The following MANBA variants were observed in gnomAD, a reference collection of about 807,000 sequenced individuals.
MANBA encodes the protein mannosidase beta, also known as beta-mannosidase.
Under a neutral mutation model 111.1 loss-of-function variants are expected in MANBA, and 83 were observed. The observed-to-expected ratio is 0.75, with a 90% confidence interval of 0.63 to 0.90. MANBA has a LOEUF of 0.90. Among genes scored for constraint, MANBA ranks in the 40% least tolerant of loss-of-function variants. The pLI, the probability that MANBA is intolerant of heterozygous loss-of-function variation, is 0.00. For synonymous variants in MANBA, 370 were observed against 378.7 expected, an observed-to-expected ratio of 0.98 and a Z score of 0.27; for missense variants, 1,036 against 1,069.0, an observed-to-expected ratio of 0.97 and a Z score of 0.43.
At chr4:102,656,098 C>T (rs1037727097) in intron 12 of MANBA, among the ~76,000 whole-genome samples, 1 of 151,994 alleles carries the variant, frequency 6.6e-6, no homozygotes, top group African/African-American at 2.4e-5. Context: ...ATAAAAAATA[C>T]AAAAATTAGC....
At chr4:102,739,237 T>C (rs1404096957) in intron 1 of MANBA, among the ~76,000 whole-genome samples, 1 of 152,078 alleles carries the variant, frequency 6.6e-6, no homozygotes, top group Non-Finnish European at 1.5e-5. Context: ...TATACAATCT[T>C]CTCAGATTGA....
chr4:102,680,731 T>C (rs923349761), intron 7 of MANBA, among the ~76,000 whole-genome samples: 1 of 152,246 alleles, frequency 6.6e-6, no homozygotes, highest in Non-Finnish European at 1.5e-5. Context: ...TGGCCACATA[T>C]GCAGCATCTT....
intron 2 of MANBA, among the ~76,000 whole-genome samples, chr4:102,724,868 C>T (rs1722734106): frequency 6.6e-6 from 1 of 152,142 alleles, no homozygotes; most frequent in South Asian, 2.1e-4. Flanking sequence ...GTGTTGTATT[C>T]ATACAATAAA....
At chr4:102,632,761 C>G (rs1206501156) in intron 16 of MANBA, among the ~76,000 whole-genome samples, 1 of 152,254 alleles carries the variant, frequency 6.6e-6, no homozygotes, top group Non-Finnish European at 1.5e-5. Flanking sequence ...TAGAGCTTAT[C>G]TCTTTTACTG....
At chr4:102,693,094 T>C (rs1317247566) in intron 5 of MANBA, among the ~76,000 whole-genome samples, 2 of 152,192 alleles carry the variant, frequency 1.3e-5, no homozygotes, top group Non-Finnish European at 2.9e-5. Context: ...TGAGAAATAC[T>C]AGTCGATGAG....
At chr4:102,644,733 G>A (rs1031363125) in intron 13 of MANBA, among the ~76,000 whole-genome samples, 1 of 151,988 alleles carries the variant, frequency 6.6e-6, no homozygotes, top group African/African-American at 2.4e-5. Context: ...TTGTATATTT[G>A]AAAATTGCTA....
chr4:102,714,479 T>C lies in MANBA; in HGVS notation c.632A>G (p.Asn211Ser). Residue 211 changes from asparagine to serine, a missense_variant, in exon 5 of 17, where the codon AAT becomes AGT. Coordinates refer to ENST00000647097, the MANE Select transcript of MANBA (RefSeq NM_005908.4). ...TGTGAAGTAGTTCAGGTGACAAATA[T>C]TATAGGCTTCAATTCTAACATCTTT... is the stretch of plus-strand genomic sequence containing the variant. ...IWKDVRIEAY[N>S]ICHLNYFTFS... is the part of the protein sequence containing the mutation. The C allele has an allele frequency of 2.5e-6, 4 of 1,605,764 alleles. No individual in the cohort carries two copies. The highest frequency in any genetic ancestry group is 3.4e-6 in the Non-Finnish European group (4 of 1,172,466).
chr4:102,714,729 C>T (rs1417617013), intron 4 of MANBA, among the ~76,000 whole-genome samples, 168 bp from the exon 5 acceptor site: 1 of 152,184 alleles, frequency 6.6e-6, no homozygotes, highest in African/African-American at 2.4e-5. Context: ...TGTATTTTCT[C>T]ACAGTGAAGT....
intron 4 of MANBA, 83 bp downstream of exon 4, chr4:102,722,788 A>G (rs1328750537): frequency 7.2e-7 from 1 of 1,379,834 alleles, no homozygotes; most frequent in East Asian, 2.3e-5. Flanking sequence ...CTGAAATGCC[A>G]TGGGAGTCTT....
At chr4:102,743,924 C>T (rs1202274651) in intron 1 of MANBA, among the ~76,000 whole-genome samples, 1 of 152,198 alleles carries the variant, frequency 6.6e-6, no homozygotes, top group Non-Finnish European at 1.5e-5. Context: ...ATGAGGGCCT[C>T]CCAGAGGCTC....
chr4:102,664,473 C>T (rs140289949), intron 11 of MANBA, among the ~76,000 whole-genome samples: 4 of 152,184 alleles, frequency 2.6e-5, no homozygotes, highest in Non-Finnish European at 1.5e-5. Flanking sequence ...CTCAGCCTCC[C>T]GAGTAGCTGG....
chr4:102,720,781 T>A (rs1186514419), intron 4 of MANBA, among the ~76,000 whole-genome samples: 2 of 152,202 alleles, frequency 1.3e-5, no homozygotes, highest in African/African-American at 4.8e-5. Context: ...ACTCTAAGGC[T>A]GTTATTACAG....
chr4:102,738,789 G>T (rs1203758926), intron 1 of MANBA, among the ~76,000 whole-genome samples: 1 of 152,160 alleles, frequency 6.6e-6, no homozygotes, highest in Non-Finnish European at 1.5e-5. Context: ...TCAGAAGGTT[G>T]ATTATCGGGT....
At chr4:102,674,432 AAC>A (rs1731632547) in intron 7 of MANBA, among the ~76,000 whole-genome samples, 1 of 152,230 alleles carries the variant, frequency 6.6e-6, no homozygotes, top group African/African-American at 2.4e-5. Flanking sequence ...GTCTTTGAAA[AAC>A]ACATTCTCAT....
intron 1 of MANBA, among the ~76,000 whole-genome samples, chr4:102,727,060 AG>A (rs1722838236): frequency 6.6e-6 from 1 of 152,190 alleles, no homozygotes; most frequent in East Asian, 1.9e-4. Flanking sequence ...TACAGGCATG[AG>A]CCATCATGTC....
rs963351350 is a variant in MANBA at position 102,704,668 on chromosome 4, T to C, written c.673+9770A>G. Among the ~76,000 whole-genome samples the C allele has an allele frequency of 5.3e-5, 8 of 152,122 alleles. No homozygotes were observed. The East Asian group carries it at 1.3e-3, about 26-fold the overall frequency. On this transcript the variant is annotated intron_variant, in intron 5 of 16. Coordinates refer to ENST00000647097, the MANE Select transcript of MANBA (RefSeq NM_005908.4). ...TATCCAGACCACATTAGCTTATTCT[T>C]TTATTATTTTTCAATGTTTAAACGT...
intron 5 of MANBA, among the ~76,000 whole-genome samples, chr4:102,697,241 AT>A (rs1210214156): frequency 6.6e-6 from 1 of 152,212 alleles, no homozygotes; most frequent in Non-Finnish European, 1.5e-5. Flanking sequence ...ATTTTCAAGG[AT>A]TATTTTATGG....
chr4:102,678,469 A>G (rs77161216), intron 7 of MANBA, among the ~76,000 whole-genome samples: 1,612 of 150,030 alleles, frequency 0.011, 25 homozygotes, highest in African/African-American at 0.038. Context: ...TGAGTAACAC[A>G]TATTTGCATC....
At chr4:102,736,842 C>G (rs1202508512) in intron 1 of MANBA, among the ~76,000 whole-genome samples, 2 of 152,196 alleles carry the variant, frequency 1.3e-5, no homozygotes, top group Non-Finnish European at 2.9e-5. Flanking sequence ...CCCTTTGAAA[C>G]AAGTGGTTTG....
Sources: gnomAD v4.1 joint callset for allele counts (sites outside exome capture counted in the v4.1 genomes callset) on GRCh38, gnomAD v4.1.1 for gene constraint, MANE v1.5 for transcripts, NCBI Gene and HGNC (gene_info 2026-07-23, HGNC 2026-07-21) for gene names.